TIAM1: variants seen among roughly 807,000 people sequenced by gnomAD.
The protein encoded by TIAM1 is TIAM Rac1 associated GEF 1, also known as rho guanine nucleotide exchange factor TIAM1.
Under a neutral mutation model 163.5 loss-of-function variants are expected in TIAM1, and 65 were observed. The ratio of observed to expected loss-of-function variants is 0.40; its 90% CI spans 0.33 to 0.49. The LOEUF (loss-of-function observed/expected upper bound fraction) is 0.49, where lower values mean the gene tolerates loss of function less well. TIAM1 is among the 20% of genes least tolerant of loss of function. TIAM1 has a pLI of 0.77. For synonymous variants in TIAM1, 833 were observed against 810.1 expected (o/e 1.03, Z -0.48); for missense variants, 1,789 against 2,044.7 (o/e 0.87, Z 2.41).
chr21:31,303,873 G>C (rs1406550981), intron 2 of TIAM1, among the ~76,000 whole-genome samples: 1 of 152,146 alleles, frequency 6.6e-6, no homozygotes, highest in Non-Finnish European at 1.5e-5. Context: ...AGCTACTCAG[G>C]AGGCTGAGGC....
intron 2 of TIAM1, among the ~76,000 whole-genome samples, chr21:31,368,565 G>A (rs1298673532): frequency 6.6e-6 from 1 of 152,078 alleles, no homozygotes; most frequent in Non-Finnish European, 1.5e-5. Flanking sequence ...CACATCACAA[G>A]GCAGAAAAAA....
chr21:31,224,096 G>C (rs1385581711), intron 7 of TIAM1, among the ~76,000 whole-genome samples: 1 of 152,194 alleles, frequency 6.6e-6, no homozygotes, highest in Non-Finnish European at 1.5e-5. Flanking sequence ...TCCAACTGTA[G>C]CATGTCTCTG....
chr21:31,371,303 CCA>C (rs1379869682), intron 2 of TIAM1, among the ~76,000 whole-genome samples: 1 of 152,156 alleles, frequency 6.6e-6, no homozygotes, highest in African/African-American at 2.4e-5. Context: ...CTGTCTTGCT[CCA>C]CAGACTCCCA....
chr21:31,242,052 G>A (rs1162042563), intron 6 of TIAM1, among the ~76,000 whole-genome samples: 4 of 151,990 alleles, frequency 2.6e-5, no homozygotes, highest in Non-Finnish European at 5.9e-5. Flanking sequence ...AGAAAAAGAA[G>A]TAGTCAATAG....
intron 2 of TIAM1, among the ~76,000 whole-genome samples, chr21:31,442,710 C>G (rs541870654): frequency 6.6e-6 from 1 of 152,064 alleles, no homozygotes; most frequent in Non-Finnish European, 1.5e-5. Context: ...AATGGATAAG[C>G]CAAAGAGAGG....
intron 6 of TIAM1, among the ~76,000 whole-genome samples, chr21:31,226,461 T>C (rs1382178229): frequency 1.3e-5 from 2 of 152,120 alleles, no homozygotes; most frequent in Non-Finnish European, 2.9e-5. Context: ...AGTGGTCAGG[T>C]AGCCAGAAGA....
At chr21:31,242,860 CAAAAAAAA>C (rs11417948) in intron 6 of TIAM1, among the ~76,000 whole-genome samples, 10 of 95,072 alleles carry the variant, frequency 1.1e-4, no homozygotes, top group African/African-American at 3.7e-4. Flanking sequence ...GACTCTGTCT[CAAAAAAAA>C]AAAAAAAAAA....
intron 1 of TIAM1, among the ~76,000 whole-genome samples, chr21:31,474,392 C>G (rs189412727): frequency 2.0e-5 from 3 of 152,292 alleles, no homozygotes; most frequent in African/African-American, 4.8e-5. Context: ...GCCATGTGAC[C>G]ATGGTCCAGC....
intron 25 of TIAM1, among the ~76,000 whole-genome samples, chr21:31,128,687 A>G (rs2082299647): frequency 6.6e-6 from 1 of 152,238 alleles, no homozygotes; most frequent in Non-Finnish European, 1.5e-5. Flanking sequence ...AAATCACATC[A>G]TAAGTAAAAG....
chr21:31,473,348 T>C (rs2045815661), intron 1 of TIAM1, among the ~76,000 whole-genome samples: 2 of 139,936 alleles, frequency 1.4e-5, no homozygotes, highest in East Asian at 2.3e-4. Flanking sequence ...GAGAATAGCG[T>C]GAGCCTGGGA....
intron 13 of TIAM1, among the ~76,000 whole-genome samples, chr21:31,189,931 C>T (rs1258247042): frequency 2.0e-5 from 3 of 152,156 alleles, no homozygotes; most frequent in African/African-American, 7.2e-5. Flanking sequence ...AATGTTCTAA[C>T]TCTCAGCAGA....
At chr21:31,210,596 G>A (rs200967211) in intron 10 of TIAM1, among the ~76,000 whole-genome samples, 1,060 of 51,932 alleles carry the variant, frequency 0.02, 29 homozygotes, top group East Asian at 0.032. Flanking sequence ...GAAAGAAAGA[G>A]AGAAAGAAGG....
intron 2 of TIAM1, among the ~76,000 whole-genome samples, chr21:31,354,041 T>C (rs1014045305): frequency 3.3e-5 from 5 of 151,918 alleles, no homozygotes; most frequent in African/African-American, 1.2e-4. Flanking sequence ...TTTCACCATG[T>C]TGGCCAGGCT....
intron 20 of TIAM1, among the ~76,000 whole-genome samples, chr21:31,142,630 C>CAAAA (rs35209332): frequency 2.0e-5 from 2 of 101,480 alleles, no homozygotes; most frequent in Non-Finnish European, 4.1e-5. Flanking sequence ...GACTCCGTCT[C>CAAAA]AAAAAAAAAA....
intron 9 of TIAM1, among the ~76,000 whole-genome samples, chr21:31,215,587 AAAG>A (rs2087150032): frequency 2.0e-5 from 3 of 151,460 alleles, no homozygotes; most frequent in Admixed American, 6.6e-5. Flanking sequence ...AAAAAAAAAA[AAAG>A]AAGAGAAATG....
chr21:31,410,860 G>C (rs62223377), intron 2 of TIAM1, among the ~76,000 whole-genome samples: 3 of 152,136 alleles, frequency 2.0e-5, no homozygotes, highest in Non-Finnish European at 2.9e-5. Flanking sequence ...GTGGTTTCCT[G>C]TGTCTGACGG....
chr21:31,319,603 C>A (rs2075243661), intron 2 of TIAM1, among the ~76,000 whole-genome samples: 1 of 151,718 alleles, frequency 6.6e-6, no homozygotes, highest in Non-Finnish European at 1.5e-5. Context: ...ACAGTGAAAC[C>A]CCGTCTGTAC....
At chr21:31,375,758 G>A (rs1208774464) in intron 2 of TIAM1, among the ~76,000 whole-genome samples, 2 of 152,310 alleles carry the variant, frequency 1.3e-5, no homozygotes, top group African/African-American at 2.4e-5. Context: ...GCCAGGTGTG[G>A]TGGCTCACGC....
At chr21:31,201,850 G>A (rs2086219099) in intron 12 of TIAM1, among the ~76,000 whole-genome samples, 1 of 152,118 alleles carries the variant, frequency 6.6e-6, no homozygotes, top group Admixed American at 6.6e-5. Flanking sequence ...TTTCTTTCCT[G>A]GAACTGACAA....
Sources: allele counts gnomAD v4.1 joint callset (sites outside exome capture counted in the v4.1 genomes callset), GRCh38; gene constraint gnomAD v4.1.1; transcripts MANE v1.5; gene names NCBI Gene and HGNC (gene_info 2026-07-23, HGNC 2026-07-21).